RUNDC3B: variants seen among roughly 807,000 people sequenced by gnomAD.
RUNDC3B encodes the protein RUN domain-containing protein 3B.
In RUNDC3B, 33 loss-of-function variants were observed where a neutral mutation model predicts 58.4. The observed-to-expected ratio is 0.56, with a 90% CI of 0.43 to 0.75. RUNDC3B has a LOEUF of 0.75. Among genes scored for constraint, RUNDC3B ranks in the 30% least tolerant of loss-of-function variants. RUNDC3B has a pLI of 0.00. For synonymous variants in RUNDC3B, 193 were observed against 195.2 expected (o/e 0.99, Z 0.10); for missense variants, 501 against 535.7 (o/e 0.94, Z 0.64).
At chr7:87,780,091 C>T (rs138661152) in intron 8 of RUNDC3B, among the ~76,000 whole-genome samples, 20 of 152,270 alleles carry the variant, frequency 1.3e-4, no homozygotes, top group African/African-American at 4.6e-4. Flanking sequence ...CTGTGATGAA[C>T]ATAGGAGTGC....
chr7:87,702,142 CAAA>C (rs146127516), intron 3 of RUNDC3B, among the ~76,000 whole-genome samples: 56 of 16,710 alleles, frequency 3.4e-3, no homozygotes, highest in African/African-American at 9.0e-3. Context: ...GACTCTGTCT[CAAA>C]AAAAAAAAAA....
chr7:87,741,432 C>A, intron 5 of RUNDC3B, 67 bp from the exon 6 acceptor site: 1 of 918,696 alleles, frequency 1.1e-6, no homozygotes, highest in Non-Finnish European at 1.6e-6. Context: ...AGAGATTTTT[C>A]ATGAAACTTA....
At chr7:87,644,032 T>G (rs1822728138) in intron 1 of RUNDC3B, among the ~76,000 whole-genome samples, 1 of 152,120 alleles carries the variant, frequency 6.6e-6, no homozygotes, top group Non-Finnish European at 1.5e-5. Flanking sequence ...ATAATTTTTA[T>G]ATTTTTAGTA....
chr7:87,734,780 A>G (rs1013147314), intron 4 of RUNDC3B, among the ~76,000 whole-genome samples: 1 of 152,132 alleles, frequency 6.6e-6, no homozygotes, highest in Admixed American at 6.6e-5. Flanking sequence ...TTCTCTGTCC[A>G]TACTGTACTC....
intron 3 of RUNDC3B, among the ~76,000 whole-genome samples, chr7:87,703,102 A>G (rs1021267416): frequency 2.0e-5 from 3 of 152,212 alleles, no homozygotes; most frequent in Non-Finnish European, 4.4e-5. Context: ...TTGAAAATTG[A>G]TATTTACAGT....
At chr7:87,708,926 C>T (rs573806746) in intron 3 of RUNDC3B, among the ~76,000 whole-genome samples, 29 of 152,244 alleles carry the variant, frequency 1.9e-4, no homozygotes, top group African/African-American at 6.7e-4. Context: ...ATTACTTTTA[C>T]TTATTTTTTC....
intron 6 of RUNDC3B, among the ~76,000 whole-genome samples, chr7:87,743,450 C>A (rs533146918): frequency 6.6e-6 from 1 of 152,088 alleles, no homozygotes; most frequent in African/African-American, 2.4e-5. Context: ...AGAAGTGTTC[C>A]CTGTTTGCTG....
At chr7:87,675,503 A>T (rs1242110635) in intron 2 of RUNDC3B, among the ~76,000 whole-genome samples, 1 of 152,116 alleles carries the variant, frequency 6.6e-6, no homozygotes, top group Non-Finnish European at 1.5e-5. Context: ...ACAAAAACAG[A>T]TACATAGACC....
intron 9 of RUNDC3B, among the ~76,000 whole-genome samples, chr7:87,811,505 T>C (rs1284832244): frequency 6.6e-6 from 1 of 152,124 alleles, no homozygotes; most frequent in Non-Finnish European, 1.5e-5. Context: ...AGCTAATTTT[T>C]TTTGTATTTT....
intron 10 of RUNDC3B, among the ~76,000 whole-genome samples, chr7:87,821,193 C>T (rs990092487): frequency 1.3e-5 from 2 of 151,932 alleles, no homozygotes; most frequent in Non-Finnish European, 2.9e-5. Flanking sequence ...TCAGCAAAGT[C>T]TCAGGATACA....
intron 7 of RUNDC3B, among the ~76,000 whole-genome samples, chr7:87,773,349 C>T (rs1245142525): frequency 6.8e-6 from 1 of 147,918 alleles, no homozygotes; most frequent in African/African-American, 2.5e-5. Flanking sequence ...AAAAAGTAAG[C>T]ATTCACAAAG....
At chr7:87,658,528 C>G (rs969869955) in intron 2 of RUNDC3B, among the ~76,000 whole-genome samples, 15 of 152,096 alleles carry the variant, frequency 9.9e-5, no homozygotes, top group Non-Finnish European at 2.1e-4. Context: ...CAAACAGATT[C>G]AAGAAACAGA....
At chr7:87,634,397 G>C (rs1821532803) in intron 1 of RUNDC3B, among the ~76,000 whole-genome samples, 1 of 150,194 alleles carries the variant, frequency 6.7e-6, no homozygotes. Flanking sequence ...TGAGGCAGAT[G>C]GATCACCTGA....
chr7:87,760,746 A>G (rs1833633597), intron 6 of RUNDC3B, among the ~76,000 whole-genome samples: 1 of 152,112 alleles, frequency 6.6e-6, no homozygotes, highest in Non-Finnish European at 1.5e-5. Context: ...TGTTTTCACT[A>G]AATGATGCTG....
At chr7:87,747,380 A>AG (rs1832707504) in intron 6 of RUNDC3B, among the ~76,000 whole-genome samples, 1 of 152,096 alleles carries the variant, frequency 6.6e-6, no homozygotes, top group Non-Finnish European at 1.5e-5. Context: ...CGGAGGTAGC[A>AG]GGGGGGTGAG....
intron 4 of RUNDC3B, among the ~76,000 whole-genome samples, chr7:87,732,023 C>G (rs1173677885): frequency 6.6e-6 from 1 of 152,116 alleles, no homozygotes; most frequent in African/African-American, 2.4e-5. Flanking sequence ...ACAAAGCTAG[C>G]CTTAAAAATT....
intron 2 of RUNDC3B, among the ~76,000 whole-genome samples, chr7:87,659,778 T>C (rs1824505151): frequency 6.6e-6 from 1 of 152,178 alleles, no homozygotes; most frequent in Non-Finnish European, 1.5e-5. Flanking sequence ...ATCTCCACCT[T>C]CAGAATCTTT....
At chr7:87,687,911 T>A (rs1302017298) in intron 2 of RUNDC3B, among the ~76,000 whole-genome samples, 1 of 152,216 alleles carries the variant, frequency 6.6e-6, no homozygotes, top group East Asian at 1.9e-4. Flanking sequence ...CCTGTTCATT[T>A]GGCTTTTGAG....
At chr7:87,800,658 T>C (rs530394281) in intron 8 of RUNDC3B, among the ~76,000 whole-genome samples, 4 of 151,298 alleles carry the variant, frequency 2.6e-5, no homozygotes, top group South Asian at 2.1e-4. Context: ...CTTTTCTTTT[T>C]TTTTTTTTTT....
Sources: gnomAD v4.1 joint callset for allele counts (sites outside exome capture counted in the v4.1 genomes callset) on GRCh38, gnomAD v4.1.1 for gene constraint, MANE v1.5 for transcripts, NCBI Gene and HGNC (gene_info 2026-07-23, HGNC 2026-07-21) for gene names.